RPS6KA3: variants seen among roughly 807,000 people sequenced by gnomAD.
RPS6KA3 encodes ribosomal protein S6 kinase A3.
RPS6KA3 carries 4 observed loss-of-function variants against 67.2 expected under a neutral mutation model. The observed-to-expected ratio is 0.06, with a 90% CI of 0.03 to 0.14. RPS6KA3 has a LOEUF of 0.14. Ranked by LOEUF, RPS6KA3 falls within the 10% of genes least tolerant of loss-of-function variation. The pLI is 1.00. For synonymous variants in RPS6KA3, 182 were observed against 183.7 expected, an observed-to-expected ratio of 0.99 and a Z score of 0.07; for missense variants, 204 against 559.0, an observed-to-expected ratio of 0.36 and a Z score of 6.40.
At chrX:20,184,904 T>C (rs2067940034) in intron 10 of RPS6KA3, among the ~76,000 whole-genome samples, 1 of 111,981 alleles carries the variant, frequency 8.9e-6, no homozygotes, top group Non-Finnish European at 1.9e-5. Context: ...TCACTAGGTA[T>C]CTGAGAATTT....
At chrX:20,203,942 C>T (rs1468737127) in intron 4 of RPS6KA3, 80 bp downstream of exon 4, 5 of 706,961 alleles carry the variant, frequency 7.1e-6, no homozygotes, top group African/African-American at 2.1e-5. Context: ...AAATAACATG[C>T]CAAGGAGTCC....
rs1428809534 is a variant in RPS6KA3 at position 20,187,947 on chromosome X, T to C, written c.655A>G (p.Ile219Val). Residue 219 changes from isoleucine (I) to valine (V), a missense_variant, in exon 9 of 22, where the codon ATT (isoleucine) becomes GTT (valine). Ile to Val is a conservative substitution (Grantham distance 29). This residue lies in a region of RPS6KA3 where 76 missense variants were observed against 250.3 expected (regional missense o/e 0.30). Transcript: ENST00000379565. ...GAATATGCCTTCTTTTCATGGTCAA[T>C]AGACTCTTTACTTAGGCCGAAATCT... is the stretch of plus-strand genomic sequence containing the variant. ...LTDFGLSKES[I>V]DHEKKAYSFC... 2.4e-5 allele frequency: 29 copies of C among 1,205,568 alleles called. No homozygotes were observed. The highest frequency in any genetic ancestry group is 3.0e-5 in the Non-Finnish European group (27 of 890,833).
chrX:20,161,426 A>G (rs2067301800), intron 20 of RPS6KA3, among the ~76,000 whole-genome samples: 2 of 112,213 alleles, frequency 1.8e-5, no homozygotes, highest in African/African-American at 6.5e-5. Context: ...CACGTTCTTC[A>G]GTGAGAAACA....
At chrX:20,199,892 C>G (rs5955592) in intron 4 of RPS6KA3, among the ~76,000 whole-genome samples, 1 of 112,079 alleles carries the variant, frequency 8.9e-6, no homozygotes, top group African/African-American at 3.3e-5. Flanking sequence ...AAAATTCTTT[C>G]TGACCTAGAA....
intron 15 of RPS6KA3, among the ~76,000 whole-genome samples, chrX:20,170,553 A>C (rs2067547405): frequency 9.0e-6 from 1 of 111,074 alleles, no homozygotes; most frequent in Non-Finnish European, 1.9e-5. Context: ...GAGGAAAAAG[A>C]CCTTTATTAT....
intron 20 of RPS6KA3, among the ~76,000 whole-genome samples, chrX:20,157,744 G>T (rs1256776209): frequency 9.0e-6 from 1 of 110,689 alleles, no homozygotes; most frequent in Non-Finnish European, 1.9e-5. Context: ...GAGAAAGGAA[G>T]GGGGAAACAC....
At chrX:20,234,954 A>C in intron 1 of RPS6KA3, 140 bp from the exon 2 acceptor site, 1 of 468,329 alleles carries the variant, frequency 2.1e-6, no homozygotes, top group Non-Finnish European at 3.8e-6. Context: ...CCACCATATG[A>C]GTATGCAGTT....
At chrX:20,247,130 G>C (rs532767935) in intron 1 of RPS6KA3, among the ~76,000 whole-genome samples, 3 of 112,338 alleles carry the variant, frequency 2.7e-5, no homozygotes, top group Non-Finnish European at 5.6e-5. Context: ...TAAATAAAGA[G>C]TATTAATAGG....
intron 14 of RPS6KA3, among the ~76,000 whole-genome samples, chrX:20,173,480 C>T (rs1247794925): frequency 8.9e-6 from 1 of 112,058 alleles, no homozygotes; most frequent in Non-Finnish European, 1.9e-5. Flanking sequence ...TAAAGAAGCT[C>T]GTCATGGGTT....
intron 21 of RPS6KA3, 72 bp downstream of exon 21, chrX:20,156,037 G>GGCA: frequency 9.5e-7 from 1 of 1,051,726 alleles, no homozygotes; most frequent in South Asian, 1.9e-5. Flanking sequence ...AGGTGCTGGG[G>GGCA]GCATGGACAG....
intron 20 of RPS6KA3, among the ~76,000 whole-genome samples, chrX:20,160,858 C>T (rs773924585): frequency 3.7e-4 from 42 of 112,201 alleles, no homozygotes; most frequent in African/African-American, 1.1e-3. Context: ...TTTACTTATA[C>T]GATCACCTCA....
chrX:20,176,364 A>T lies in RPS6KA3; in HGVS notation c.1000-12T>A. 3 of 1,145,786 alleles carry T rather than the reference A, an allele frequency of 2.6e-6. No homozygotes were observed. Among genetic ancestry groups the T allele is most frequent in the Non-Finnish European group, 3.6e-6 (3 of 836,907 alleles). 94.4% of individuals were successfully genotyped at this position (1,145,786 alleles called of 1,213,427 possible). ...CTTCTATACAGTTTCTGGAGGGGAA[A>T]AAAAAAAGAGACTTAGACATATTTT... is the stretch of plus-strand genomic sequence containing the variant. On this transcript the variant is annotated splice_polypyrimidine_tract_variant and intron_variant, in intron 12 of 21. Coordinates refer to ENST00000379565, the MANE Select transcript of RPS6KA3 (RefSeq NM_004586.3).
rs745516381 is a variant in RPS6KA3, at chrX:20,195,031, T to A, written c.406+34A>T. The A allele has an allele frequency of 5.5e-6, 5 of 912,181 alleles. No homozygotes were observed. The African/African-American group carries it at 9.8e-5, about 18-fold the overall frequency. The allele number at this position is 912,181 out of a possible 1,213,427, so 75.2% of individuals were successfully genotyped here. ...TCCTCAGGGATTTTGAGGGATGAGG[T>A]CAAGGGATGATGTGGGAGACGGCTC... On this transcript the variant is annotated intron_variant, in intron 5 of 21. Transcript: ENST00000379565.
chrX:20,152,316 T>C lies in RPS6KA3; in HGVS notation c.*3082A>G, dbSNP rs2067115740. On this transcript the variant is annotated 3_prime_UTR_variant, in exon 22 of 22. Transcript: ENST00000379565. ...TGAAATGATTTATAAAAAACAAAAA[T>C]TAAAAAAGGATGAAAAACTTACCTT... 1.8e-5 allele frequency: 2 copies of C among 112,118 alleles called. No homozygotes were observed. The highest frequency in any genetic ancestry group is 3.8e-5 in the Non-Finnish European group (2 of 53,149). 9.2% of individuals were successfully genotyped at this position (112,118 alleles called of 1,213,427 possible). A position where few individuals can be genotyped will look rare whatever the true frequency, so the allele number is the denominator to read the frequency against.
intron 2 of RPS6KA3, among the ~76,000 whole-genome samples, chrX:20,226,677 A>G (rs2069129620): frequency 8.9e-6 from 1 of 112,370 alleles, no homozygotes; most frequent in Non-Finnish European, 1.9e-5. Flanking sequence ...CAAAGGCTTT[A>G]TAAAGGGTCA....
Position 20,152,148 on chromosome X carries a change from G to A in RPS6KA3, c.*3250C>T, listed in dbSNP as rs183795967. 58 of 112,313 alleles carry A rather than the reference G, an allele frequency of 5.2e-4. No homozygotes were observed. The highest frequency in any genetic ancestry group is 1.8e-3 in the African/African-American group (57 of 30,835). 9.3% of individuals were successfully genotyped at this position (112,313 alleles called of 1,213,427 possible). ...ACTTTTCACACACACAAGCTTCATA[G>A]CATCTCAACTTTGGGCCTTGTCAAA... On this transcript the variant is annotated 3_prime_UTR_variant, in exon 22 of 22. Coordinates refer to ENST00000379565, the MANE Select transcript of RPS6KA3 (RefSeq NM_004586.3).
chrX:20,239,351 G>C (rs2069494305), intron 1 of RPS6KA3, among the ~76,000 whole-genome samples: 1 of 111,872 alleles, frequency 8.9e-6, no homozygotes, highest in Admixed American at 9.5e-5. Flanking sequence ...GTATCGGAGA[G>C]TGTTGAAACA....
intron 5 of RPS6KA3, among the ~76,000 whole-genome samples, chrX:20,194,534 T>C (rs1024342310): frequency 4.6e-5 from 5 of 108,287 alleles, no homozygotes; most frequent in Non-Finnish European, 9.6e-5. Flanking sequence ...GAAAACCTCC[T>C]AAAAAAAAAG....
At chrX:20,249,879 G>T (rs1457389478) in intron 1 of RPS6KA3, among the ~76,000 whole-genome samples, 1 of 112,175 alleles carries the variant, frequency 8.9e-6, no homozygotes, top group Non-Finnish European at 1.9e-5. Context: ...AATTCTAAAA[G>T]TTTTCTAGTT....
Sources: gnomAD v4.1 joint callset for allele counts (sites outside exome capture counted in the v4.1 genomes callset) on GRCh38, gnomAD v4.1.1 for gene constraint, gnomAD v4.1.1 regional missense constraint, MANE v1.5 for transcripts, NCBI Gene and HGNC (gene_info 2026-07-23, HGNC 2026-07-21) for gene names.